The following PTPN2 variants were observed in gnomAD, a reference collection of about 807,000 sequenced individuals.
PTPN2 encodes the protein protein tyrosine phosphatase non-receptor type 2.
Under a neutral mutation model 57.3 loss-of-function variants are expected in PTPN2, and 19 were observed. That is an observed-to-expected ratio of 0.33 (90% confidence interval 0.23 to 0.49). The LOEUF is 0.49. Among genes scored for constraint, PTPN2 ranks in the 20% least tolerant of loss-of-function variants. The pLI is 0.99. For missense variants in PTPN2, 358 were observed against 501.1 expected (o/e 0.71, Z 2.73); for synonymous variants, 153 against 164.9 (o/e 0.93, Z 0.55).
chr18:12,795,385 C>G (rs1012768359), intron 8 of PTPN2, among the ~76,000 whole-genome samples: 1 of 152,182 alleles, frequency 6.6e-6, no homozygotes, highest in African/African-American at 2.4e-5. Context: ...CCCCCGCCTT[C>G]CGGGTTCAAG....
downstream of PTPN2, among the ~76,000 whole-genome samples, chr18:12,788,802 A>AT (rs1320565579): frequency 5.9e-5 from 9 of 152,178 alleles, no homozygotes; most frequent in Non-Finnish European, 1.2e-4. Context: ...CAGGGGAGAC[A>AT]GCCTTAGGAG....
In PTPN2 at chr18:12,798,183, C is replaced by T. The variant is rs1598735378; in HGVS notation, c.1041-3698G>A. Among the ~76,000 whole-genome samples, 4 of 152,250 alleles carry T rather than the reference C, an allele frequency of 2.6e-5. 1 individual carries two copies. The East Asian group carries it at 5.8e-4, about 22-fold the overall frequency. ...CCTCACACACACACTTACATAGGTA[C>T]ACAATGTATATGTAAATATATGGAA... On this transcript the variant is annotated intron_variant, in intron 8 of 8. Coordinates refer to ENST00000309660, the MANE Select transcript of PTPN2 (RefSeq NM_002828.4).
chr18:12,817,992 A>G (rs989608869), intron 5 of PTPN2, among the ~76,000 whole-genome samples: 1 of 152,150 alleles, frequency 6.6e-6, no homozygotes, highest in African/African-American at 2.4e-5. Context: ...AATACAAAAA[A>G]TTAGCCAGGC....
At chr18:12,878,719 C>A (rs1293560238) in intron 1 of PTPN2, among the ~76,000 whole-genome samples, 1 of 152,090 alleles carries the variant, frequency 6.6e-6, no homozygotes, top group Admixed American at 6.5e-5. Flanking sequence ...TTTATAAACC[C>A]TAATTAATCA....
At chr18:12,785,653 T>G (rs982482645) in exon 10 of PTPN2, 2 of 665,584 alleles carry the variant, frequency 3.0e-6, no homozygotes, top group Non-Finnish European at 5.4e-6. Flanking sequence ...CTTCTGCTGG[T>G]GGGTGCTCTT....
intron 5 of PTPN2, among the ~76,000 whole-genome samples, chr18:12,817,853 A>C (rs1464605157): frequency 6.6e-6 from 1 of 152,188 alleles, no homozygotes; most frequent in African/African-American, 2.4e-5. Context: ...TATTTTAAAA[A>C]ATTTCTGCCG....
intron 2 of PTPN2, among the ~76,000 whole-genome samples, chr18:12,850,470 C>G (rs2043355036): frequency 6.6e-6 from 1 of 151,982 alleles, no homozygotes; most frequent in African/African-American, 2.4e-5. Context: ...GCCTAGGCAA[C>G]AGAGCAAGAC....
chr18:12,854,261 G>A (rs1198398573), intron 2 of PTPN2, among the ~76,000 whole-genome samples: 1 of 151,780 alleles, frequency 6.6e-6, no homozygotes, highest in African/African-American at 2.4e-5. Flanking sequence ...TCAGGAGGCT[G>A]AGGTGGGAGG....
At chr18:12,819,245 A>T in intron 5 of PTPN2, 1 of 1,459,340 alleles carries the variant, frequency 6.9e-7, no homozygotes, top group Non-Finnish European at 9.1e-7. Context: ...CAGCATTAAT[A>T]ATTTCAAATA....
chr18:12,813,383 C>T (rs2041963478), intron 7 of PTPN2, among the ~76,000 whole-genome samples: 1 of 152,168 alleles, frequency 6.6e-6, no homozygotes, highest in South Asian at 2.1e-4. Flanking sequence ...TATTTTGGCT[C>T]TGAGTGCCCT....
intron 3 of PTPN2, among the ~76,000 whole-genome samples, chr18:12,831,688 A>C (rs535537347): frequency 5.3e-5 from 8 of 152,362 alleles, no homozygotes; most frequent in African/African-American, 1.9e-4. Flanking sequence ...TTCTAGAAAA[A>C]GTAGGAATCA....
At chr18:12,877,186 T>C (rs995544520) in intron 1 of PTPN2, among the ~76,000 whole-genome samples, 2 of 152,012 alleles carry the variant, frequency 1.3e-5, no homozygotes, top group Non-Finnish European at 2.9e-5. Flanking sequence ...TTACTGAGCA[T>C]CTAACATGTT....
At chr18:12,880,184 A>G (rs1433395922) in intron 1 of PTPN2, among the ~76,000 whole-genome samples, 2 of 152,208 alleles carry the variant, frequency 1.3e-5, no homozygotes, top group African/African-American at 2.4e-5. Context: ...AAGGGGGGAA[A>G]GTTGTGCCAA....
At chr18:12,808,386 G>A (rs746196950) in intron 7 of PTPN2, among the ~76,000 whole-genome samples, 3 of 152,164 alleles carry the variant, frequency 2.0e-5, no homozygotes, top group Admixed American at 6.5e-5. Context: ...AAAGATAAAT[G>A]TATGAGGTGA....
At chr18:12,825,168 T>C (rs1050432255) in intron 5 of PTPN2, among the ~76,000 whole-genome samples, 1 of 152,168 alleles carries the variant, frequency 6.6e-6, no homozygotes, top group African/African-American at 2.4e-5. Context: ...CATTTATACA[T>C]GTGTGTGTAT....
At chr18:12,804,358 GAAAAT>G (rs2041553758) in intron 7 of PTPN2, among the ~76,000 whole-genome samples, 1 of 140,992 alleles carries the variant, frequency 7.1e-6, no homozygotes, top group East Asian at 2.1e-4. Flanking sequence ...CAAGGAACTA[GAAAAT>G]AATAAACTAA....
At chr18:12,846,915 T>C (rs1019762735) in intron 2 of PTPN2, among the ~76,000 whole-genome samples, 1 of 152,190 alleles carries the variant, frequency 6.6e-6, no homozygotes, top group Non-Finnish European at 1.5e-5. Context: ...TCACATGCCT[T>C]CCACATGTGG....
chr18:12,882,810 T>C (rs74854460), intron 1 of PTPN2, among the ~76,000 whole-genome samples: 154 of 152,304 alleles, frequency 1.0e-3, no homozygotes, highest in African/African-American at 3.6e-3. Context: ...TCTAATTAAA[T>C]GGAAAGGGGA....
intron 2 of PTPN2, among the ~76,000 whole-genome samples, chr18:12,850,406 T>C (rs942108428): frequency 1.1e-4 from 16 of 151,744 alleles, no homozygotes; most frequent in African/African-American, 3.6e-4. Flanking sequence ...GGAGAATTGC[T>C]TGAACTCGAG....
Sources: gnomAD v4.1 joint callset for allele counts (sites outside exome capture counted in the v4.1 genomes callset) on GRCh38, gnomAD v4.1.1 for gene constraint, MANE v1.5 for transcripts, NCBI Gene and HGNC (gene_info 2026-07-23, HGNC 2026-07-21) for gene names.